The following TMEM25 variants were observed in gnomAD, a reference collection of about 807,000 sequenced individuals.
TMEM25 encodes 0610039J01Rik.
A neutral mutation model predicts 37.0 loss-of-function variants in TMEM25; 36 were observed. The observed-to-expected ratio is 0.97, with a 90% CI of 0.75 to 1.28. The LOEUF is 1.28. TMEM25 is among the 50% of genes most tolerant of loss of function. The pLI is 0.00. For missense variants in TMEM25, 444 were observed against 477.9 expected (o/e 0.93, Z 0.66); for synonymous variants, 197 against 203.7 (o/e 0.97, Z 0.28).
At chr11:118,533,264 C>G in intron 4 of TMEM25, 57 bp downstream of exon 4, 1 of 1,557,758 alleles carries the variant, frequency 6.4e-7, no homozygotes, top group Non-Finnish European at 8.6e-7. Flanking sequence ...GGGGTCCCGT[C>G]CCCATACAGA....
chr11:118,535,577 T>C lies in TMEM25; in HGVS notation c.*997T>C. On this transcript the variant is annotated 3_prime_UTR_variant, in exon 9 of 9. Coordinates refer to ENST00000313236, the MANE Select transcript of TMEM25 (RefSeq NM_032780.4). ...TTGCCTCATCAGCAGGAAGGTGCCCTTCCTGGAGGATGGTCGCCACAGGCA... is the reference window on the plus strand; with the variant it reads ...TTGCCTCATCAGCAGGAAGGTGCCCCTCCTGGAGGATGGTCGCCACAGGCA... The C allele has an allele frequency of 6.5e-7, 1 of 1,535,772 alleles. No homozygotes were observed. Among genetic ancestry groups the C allele is most frequent in the Non-Finnish European group, 8.7e-7 (1 of 1,146,744 alleles).
downstream of TMEM25, among the ~76,000 whole-genome samples, chr11:118,538,243 C>T (rs182979197): frequency 2.4e-3 from 366 of 152,216 alleles, 2 homozygotes; most frequent in Non-Finnish European, 4.4e-3. Context: ...ACGATCTCAG[C>T]TCACTGCAAC....
At chr11:118,545,754 A>G (rs1951667178) in intron 8 of TMEM25, 1 of 1,593,968 alleles carries the variant, frequency 6.3e-7, no homozygotes, top group African/African-American at 1.3e-5. Context: ...GAGTGTCTCT[A>G]TCCAGAGATG....
At chr11:118,544,290 G>C (rs1391474675) in intron 8 of TMEM25, among the ~76,000 whole-genome samples, 1 of 152,158 alleles carries the variant, frequency 6.6e-6, no homozygotes, top group African/African-American at 2.4e-5. Flanking sequence ...TCTGGAGCCA[G>C]ACAGCCTCAG....
At chr11:118,533,746 G>T in intron 5 of TMEM25, 111 bp from the exon 6 acceptor site, 1 of 1,584,886 alleles carries the variant, frequency 6.3e-7, no homozygotes, top group Non-Finnish European at 8.6e-7. Flanking sequence ...CCAGGGCCAG[G>T]CCTGGGCATT....
At position 118,534,205 on chromosome 11, in the gene TMEM25, G is replaced by T; in HGVS notation, c.938-61G>T. ...CTGAGAAAAAGAACTTGGTGCTTGG[G>T]AGGGGCGAGGCCTCATCAGGCACAC... On this transcript the variant is annotated intron_variant, in intron 7 of 8. Coordinates refer to ENST00000313236, the MANE Select transcript of TMEM25 (RefSeq NM_032780.4). The surrounding 1 kb of genome is among the most constrained non-coding windows in gnomAD (Gnocchi z 4.6). 1 of 1,613,318 alleles carries T rather than the reference G, an allele frequency of 6.2e-7. No homozygotes were observed. The highest frequency in any genetic ancestry group is 8.5e-7 in the Non-Finnish European group (1 of 1,179,322).
chr11:118,531,971 G>A, intron 2 of TMEM25, 100 bp downstream of exon 2: 1 of 1,446,554 alleles, frequency 6.9e-7, no homozygotes, highest in Non-Finnish European at 9.4e-7. Flanking sequence ...CAGGCCCCAA[G>A]CCCTGGAGTC....
exon 9 of TMEM25, chr11:118,546,295 C>T (rs1565343207): frequency 6.4e-6 from 4 of 627,510 alleles, no homozygotes; most frequent in Non-Finnish European, 8.7e-6. Context: ...CCTAGGAGTT[C>T]GAGACCAGCC....
Position 118,533,417 on chromosome 11 carries a change from C to T in TMEM25, c.674-3C>T. 1 of 1,613,578 alleles carries T rather than the reference C, an allele frequency of 6.2e-7. No individual in the cohort carries two copies. Among genetic ancestry groups the T allele is most frequent in the Non-Finnish European group, 8.5e-7 (1 of 1,179,976 alleles). ...GGGACCTGACACAGAGGACATCCTC[C>T]AGGGCTTCTGGCTACCCGGGTGGAA... On this transcript the variant is annotated splice_region_variant and splice_polypyrimidine_tract_variant and intron_variant, in intron 4 of 8. Coordinates refer to ENST00000313236, the MANE Select transcript of TMEM25 (RefSeq NM_032780.4).
intron 8 of TMEM25, among the ~76,000 whole-genome samples, chr11:118,541,742 A>G (rs1356871384): frequency 6.6e-6 from 1 of 151,790 alleles, no homozygotes; most frequent in Non-Finnish European, 1.5e-5. Context: ...TGTGTGCTCC[A>G]TGTTTAGCTC....
In TMEM25 at chr11:118,534,441, A is replaced by C; in HGVS notation, c.1028-66A>C. ...AGGCCTCCAAGTGCCCAGGAGGCAGAGAGAGCTCTCCAAATTCCAAGGAAC... is the reference window on the plus strand; with the variant it reads ...AGGCCTCCAAGTGCCCAGGAGGCAGCGAGAGCTCTCCAAATTCCAAGGAAC... On this transcript the variant is annotated intron_variant, in intron 8 of 8. Transcript: ENST00000313236. This position sits in a 1 kb window ranked among gnomAD's most constrained non-coding sequence, Gnocchi z 4.6. 10 of 1,611,080 alleles carry C rather than the reference A, an allele frequency of 6.2e-6. No homozygotes were observed. The highest frequency in any genetic ancestry group is 8.5e-6 in the Non-Finnish European group (10 of 1,178,364).
intron 1 of TMEM25, 137 bp from the exon 2 acceptor site, chr11:118,531,638 G>T (rs1362848357): frequency 1.5e-5 from 10 of 682,838 alleles, no homozygotes; most frequent in Non-Finnish European, 2.4e-5. Flanking sequence ...GTTCGTGTCC[G>T]TGCCTTCGCC....
rs1951494755 is a variant in TMEM25 at position 118,535,641 on chromosome 11, G to C, written c.*1061G>C. The C allele has an allele frequency of 1.3e-6, 2 of 1,521,820 alleles. No individual in the cohort carries two copies. Among genetic ancestry groups the C allele is most frequent in the East Asian group, 4.9e-5 (2 of 40,464 alleles). The allele number at this position is 1,521,820 out of a possible 1,614,324, so 94.3% of individuals were successfully genotyped here. ...TGTGGAAGCTTTAGGGGAACATGGAGAAAGAAGGAGACCACATACCCCAAA... is the reference window on the plus strand; with the variant it reads ...TGTGGAAGCTTTAGGGGAACATGGACAAAGAAGGAGACCACATACCCCAAA... On this transcript the variant is annotated 3_prime_UTR_variant, in exon 9 of 9. Coordinates refer to ENST00000313236, the MANE Select transcript of TMEM25 (RefSeq NM_032780.4).
chr11:118,533,683 G>A (rs1210559470), intron 5 of TMEM25, 132 bp downstream of exon 5: 2 of 1,574,650 alleles, frequency 1.3e-6, no homozygotes, highest in Non-Finnish European at 1.7e-6. Context: ...CATGGGTACG[G>A]TGACATGCAT....
chr11:118,544,915 C>T (rs149978137), intron 8 of TMEM25: 402 of 1,609,074 alleles, frequency 2.5e-4, no homozygotes, highest in Non-Finnish European at 3.1e-4. Flanking sequence ...TGGGAAGTGT[C>T]TCAGCTGAAG....
chr11:118,533,753 C>T (rs1951406508), intron 5 of TMEM25, 104 bp from the exon 6 acceptor site: 77 of 1,588,182 alleles, frequency 4.8e-5, no homozygotes, highest in Non-Finnish European at 6.4e-5. Context: ...CAGGCCTGGG[C>T]ATTTGAGAGA....
At chr11:118,533,272 A>G (rs900883922) in intron 4 of TMEM25, 65 bp downstream of exon 4, 28 of 1,556,566 alleles carry the variant, frequency 1.8e-5, no homozygotes, top group Non-Finnish European at 2.3e-5. Flanking sequence ...GTCCCCATAC[A>G]GAAATGGGAA....
rs1000109082 is a variant in TMEM25 at position 118,533,115 on chromosome 11, C to T, written c.581C>T (p.Thr194Met). The T allele has an allele frequency of 9.3e-6, 15 of 1,613,136 alleles. No homozygotes were observed. In the Admixed American group the frequency reaches 1.0e-4, roughly 11 times the overall value. The stretch of plus-strand genomic sequence containing the variant: ...AACTACCCCTGGCTCACCAACCACA[C>T]GGTGCAGCTGCAGCTCCGCAGCCTG... ...AQNYPWLTNH[T>M]VQLQLRSLAH... The change falls in exon 4 of 9, where the codon ACG becomes ATG. Residue 194 changes from threonine to methionine, a missense_variant. Coordinates refer to ENST00000313236, the MANE Select transcript of TMEM25 (RefSeq NM_032780.4).
chr11:118,532,507 G>T, intron 3 of TMEM25, 46 bp downstream of exon 3: 1 of 1,564,352 alleles, frequency 6.4e-7, no homozygotes, highest in Non-Finnish European at 8.7e-7. Context: ...TTTGCCCAGG[G>T]ACCCCCAGCA....
Sources: allele counts gnomAD v4.1 joint callset (sites outside exome capture counted in the v4.1 genomes callset), GRCh38; gene constraint gnomAD v4.1.1; non-coding constraint Gnocchi (gnomAD v3.1); transcripts MANE v1.5; gene names NCBI Gene and HGNC (gene_info 2026-07-23, HGNC 2026-07-21).